The following DNAI4 variants were observed in gnomAD, a reference collection of about 807,000 sequenced individuals.
DNAI4 encodes the protein dynein axonemal intermediate chain 4, also known as WD repeat domain 78.
In DNAI4, 85 loss-of-function variants were observed where a neutral mutation model predicts 105.8. The observed-to-expected ratio is 0.80, with a 90% confidence interval of 0.67 to 0.96. The LOEUF (loss-of-function observed/expected upper bound fraction) is 0.96. DNAI4 is among the 40% of genes least tolerant of loss of function. The pLI, the probability that DNAI4 is intolerant of heterozygous loss-of-function variation, is 0.00. For missense variants in DNAI4, 1,014 were observed against 1,005.6 expected (o/e 1.01, Z -0.11); for synonymous variants, 352 against 331.5 (o/e 1.06, Z -0.67).
chr1:66,822,658 C>A lies in DNAI4; in HGVS notation c.2340-141G>T, dbSNP rs1411701490. 1.1e-5 allele frequency: 7 copies of A among 649,880 alleles called. No individual in the cohort carries two copies. The East Asian group carries it at 2.1e-4, about 20-fold the overall frequency. 40.3% of individuals were successfully genotyped at this position (649,880 alleles called of 1,614,324 possible). A position where few individuals can be genotyped will look rare whatever the true frequency, so the allele number is the denominator to read the frequency against. On this transcript the variant is annotated intron_variant, in intron 15 of 16. Coordinates refer to ENST00000371026, the MANE Select transcript of DNAI4 (RefSeq NM_024763.5). ...TTAAGTGTTTCCAAACTCAAAATAA[C>A]TGCTCCTCACTCCTTACTCAATCAA...
At chr1:66,895,960 G>C (rs936380127) in intron 2 of DNAI4, among the ~76,000 whole-genome samples, 1 of 151,978 alleles carries the variant, frequency 6.6e-6, no homozygotes, top group African/African-American at 2.4e-5. Context: ...AACTTTATTG[G>C]ATAATATTTT....
chr1:66,909,285 T>TACACACACAA (rs1649483212), intron 1 of DNAI4, among the ~76,000 whole-genome samples: 1 of 134,466 alleles, frequency 7.4e-6, no homozygotes, highest in Non-Finnish European at 1.6e-5. Flanking sequence ...CACCTCTCTC[T>TACACACACAA]ACACACACAC....
In DNAI4 at chr1:66,871,913, G is replaced by T. The variant is rs959335042; in HGVS notation, c.801-404C>A. 6.6e-5 allele frequency among the ~76,000 whole-genome samples: 10 copies of T among 152,228 alleles called. No homozygotes were observed. The East Asian group carries it at 1.9e-3, about 29-fold the overall frequency. On this transcript the variant is annotated intron_variant, in intron 5 of 16. Transcript: ENST00000371026. The stretch of plus-strand genomic sequence containing the variant: ...ATGTTATTAACTTTATTGCACTGTG[G>T]CCAGAAATTTTCATTTGTATAATTC...
At chr1:66,904,403 T>C (rs554371884) in intron 2 of DNAI4, among the ~76,000 whole-genome samples, 172 of 152,310 alleles carry the variant, frequency 1.1e-3, no homozygotes, top group African/African-American at 3.9e-3. Flanking sequence ...GCCATTCTAA[T>C]AGGTACTTAG....
chr1:66,876,039 T>A (rs1418735200), intron 4 of DNAI4, among the ~76,000 whole-genome samples: 2 of 152,086 alleles, frequency 1.3e-5, no homozygotes, highest in Admixed American at 1.3e-4. Flanking sequence ...AAGTTGCAAA[T>A]CTTCTTTAGT....
intron 1 of DNAI4, among the ~76,000 whole-genome samples, chr1:66,911,324 C>G (rs1208468838): frequency 6.6e-6 from 1 of 152,174 alleles, no homozygotes; most frequent in African/African-American, 2.4e-5. Context: ...CTTTTAGAAA[C>G]CTCCATGTGC....
At chr1:66,915,011 TG>T (rs1649961549) in intron 1 of DNAI4, among the ~76,000 whole-genome samples, 1 of 152,220 alleles carries the variant, frequency 6.6e-6, no homozygotes, top group African/African-American at 2.4e-5. Flanking sequence ...ACATTTTGTT[TG>T]CATTTATTAA....
At chr1:66,880,420 G>A (rs990618088) in intron 4 of DNAI4, among the ~76,000 whole-genome samples, 4 of 152,168 alleles carry the variant, frequency 2.6e-5, no homozygotes, top group African/African-American at 7.2e-5. Context: ...TGCTGAGAGC[G>A]ATACGGACAA....
Position 66,899,612 on chromosome 1 carries a change from C to T in DNAI4, c.345+5589G>A, listed in dbSNP as rs149750257. On this transcript the variant is annotated intron_variant, in intron 2 of 16. Transcript: ENST00000371026. ...AATTTGTCTACTTTTTCTTTTGTTA[C>T]GTATGCTTTCAGTGTCACATGTAAG... Among the ~76,000 whole-genome samples the T allele has an allele frequency of 4.5e-3, 687 of 152,176 alleles. 3 individuals are homozygous for T. Among genetic ancestry groups the T allele is most frequent in the African/African-American group, 0.016 (654 of 41,536 alleles).
chr1:66,910,442 A>G (rs574513244), intron 1 of DNAI4, among the ~76,000 whole-genome samples: 2 of 152,254 alleles, frequency 1.3e-5, no homozygotes, highest in South Asian at 4.1e-4. Flanking sequence ...TGCTGGGCAC[A>G]TTTTCATATC....
chr1:66,885,125 T>G (rs1487074193), intron 4 of DNAI4, among the ~76,000 whole-genome samples: 1 of 152,256 alleles, frequency 6.6e-6, no homozygotes, highest in South Asian at 2.1e-4. Context: ...GTGGTTTAAT[T>G]TGCAAATGTT....
In DNAI4 at chr1:66,826,796, T is replaced by G. The variant is rs1269544002; in HGVS notation, c.2339+24A>C. ...AGTTTGAACTGCTTCTACTAAAATT[T>G]ATGCAAGAAAAATAGTAACTTACGT... On this transcript the variant is annotated intron_variant, in intron 15 of 16. Transcript: ENST00000371026. 4.5e-6 allele frequency: 7 copies of G among 1,562,650 alleles called. No individual in the cohort carries two copies. The Middle Eastern group carries it at 5.1e-4, about 113-fold the overall frequency.
chr1:66,891,442 A>G (rs893236809), intron 3 of DNAI4, among the ~76,000 whole-genome samples, 176 bp from the exon 4 acceptor site: 1 of 152,134 alleles, frequency 6.6e-6, no homozygotes, highest in African/African-American at 2.4e-5. Context: ...TTAAATAAAA[A>G]GTTACTTAAA....
Position 66,847,540 on chromosome 1 carries a change from A to G in DNAI4, c.1235T>C (p.Met412Thr), listed in dbSNP as rs1295672419. The change falls in exon 8 of 17, where the codon ATG (methionine) becomes ACG (threonine). Residue 412 changes from methionine to threonine, a missense_variant. By Grantham distance (81) the Met-to-Thr change is moderately conservative (BLOSUM62 -1). Transcript: ENST00000371026. ...AAGTTTGGGCTGAAATATATTTTCC[A>G]TCAGAACCCGTTCCATAAAAAATAA... is the stretch of plus-strand genomic sequence containing the variant. ...QDLFFMERVL[M>T]ENIFQPKLAA... The G allele has an allele frequency of 1.9e-6, 3 of 1,613,914 alleles. No homozygotes were observed. The South Asian group carries it at 3.3e-5, about 18-fold the overall frequency.
chr1:66,905,028 A>C, intron 2 of DNAI4, 173 bp downstream of exon 2: 1 of 466,122 alleles, frequency 2.1e-6, no homozygotes, highest in Non-Finnish European at 3.7e-6. Flanking sequence ...TAGTTATAGG[A>C]GCCAAGTGTC....
At chr1:66,874,122 G>A (rs992367744) in intron 5 of DNAI4, among the ~76,000 whole-genome samples, 3 of 151,676 alleles carry the variant, frequency 2.0e-5, no homozygotes, top group African/African-American at 7.3e-5. Flanking sequence ...AATTTTAGAT[G>A]GAGGAGAGCG....
intron 6 of DNAI4, among the ~76,000 whole-genome samples, chr1:66,869,624 T>C (rs987654227): frequency 2.0e-5 from 3 of 152,180 alleles, no homozygotes; most frequent in Non-Finnish European, 4.4e-5. Context: ...TCTGGGTCCA[T>C]CCAAGTTTGC....
chr1:66,814,485 C>G (rs1353899187), intron 16 of DNAI4, among the ~76,000 whole-genome samples: 1 of 152,082 alleles, frequency 6.6e-6, no homozygotes, highest in Non-Finnish European at 1.5e-5. Context: ...TCTCCTGCCT[C>G]AGCCTCCTGA....
At chr1:66,843,215 TG>T (rs1161351029) in intron 8 of DNAI4, among the ~76,000 whole-genome samples, 1 of 14,188 alleles carries the variant, frequency 7.0e-5, no homozygotes, top group Admixed American at 9.8e-4. Context: ...AAAAAAAAGG[TG>T]GGGGGTGGGG....
Sources: gnomAD v4.1 joint callset for allele counts (sites outside exome capture counted in the v4.1 genomes callset) on GRCh38, gnomAD v4.1.1 for gene constraint, MANE v1.5 for transcripts, NCBI Gene and HGNC (gene_info 2026-07-23, HGNC 2026-07-21) for gene names.